COL4A1: variants seen among roughly 807,000 people sequenced by gnomAD.
The protein encoded by COL4A1 is collagen type IV alpha 1 chain.
In COL4A1, 40 loss-of-function variants were observed where a neutral mutation model predicts 216.6. The ratio of observed to expected loss-of-function variants is 0.18; its 90% CI spans 0.14 to 0.24. The LOEUF is 0.24. Among genes scored for constraint, COL4A1 ranks in the 10% least tolerant of loss-of-function variants. The probability of loss-of-function intolerance (pLI) is 1.00; values close to 1 mark genes in which losing one functional copy is unlikely to be tolerated. For missense variants in COL4A1, 1,628 were observed against 2,196.8 expected, an observed-to-expected ratio of 0.74 and a Z score of 5.18; for synonymous variants, 839 against 810.7, an observed-to-expected ratio of 1.03 and a Z score of -0.59.
At chr13:110,198,078 G>GGTGGGTGTGTGTGTGTGT (rs1878988209) in intron 21 of COL4A1, among the ~76,000 whole-genome samples, 1 of 141,842 alleles carries the variant, frequency 7.1e-6, no homozygotes, top group Admixed American at 7.0e-5. Context: ...TTGTTTCTGG[G>GGTGGGTGTGTGTGTGTGT]GTGTGTGTGT....
At chr13:110,271,705 C>T (rs1883250676) in intron 1 of COL4A1, among the ~76,000 whole-genome samples, 1 of 152,162 alleles carries the variant, frequency 6.6e-6, no homozygotes, top group Admixed American at 6.5e-5. Flanking sequence ...GGGCTGGAGC[C>T]GAGATCAGAG....
At chr13:110,201,909 G>A (rs1334451927) in intron 18 of COL4A1, among the ~76,000 whole-genome samples, 1 of 152,228 alleles carries the variant, frequency 6.6e-6, no homozygotes, top group Non-Finnish European at 1.5e-5. Context: ...TCGAACCCAG[G>A]AGGTGGAGGT....
intron 1 of COL4A1, among the ~76,000 whole-genome samples, chr13:110,280,185 C>A (rs1883577226): frequency 6.6e-6 from 1 of 152,188 alleles, no homozygotes; most frequent in Non-Finnish European, 1.5e-5. Context: ...AACTAAAATA[C>A]TGCAGTGGTG....
intron 1 of COL4A1, among the ~76,000 whole-genome samples, chr13:110,300,151 G>A (rs1884435344): frequency 6.6e-6 from 1 of 152,096 alleles, no homozygotes; most frequent in Non-Finnish European, 1.5e-5. Context: ...AAATATGAAG[G>A]AAACAATACC....
intron 1 of COL4A1, 47 bp downstream of exon 1, chr13:110,306,897 C>G (rs1884752199): frequency 1.4e-6 from 2 of 1,426,204 alleles, no homozygotes; most frequent in Admixed American, 2.6e-5. Flanking sequence ...CTCGGGGCGC[C>G]CAAGCTCGGG....
In COL4A1 at chr13:110,170,311, G is replaced by C. The variant is rs898095857; in HGVS notation, c.3742+236C>G. 8.5e-5 allele frequency among the ~76,000 whole-genome samples: 13 copies of C among 152,306 alleles called. 1 individual carries two copies. The highest frequency in any genetic ancestry group is 6.8e-3 in the Middle Eastern group (2 of 294). On this transcript the variant is annotated intron_variant, in intron 42 of 51. Transcript: ENST00000375820. ...ACGCCACCGACGGGGCACGAGTCCA[G>C]GCTTGTCCAATCATTTCCTTTCTTG...
At chr13:110,233,328 C>T (rs149831160) in intron 2 of COL4A1, among the ~76,000 whole-genome samples, 110 of 152,102 alleles carry the variant, frequency 7.2e-4, no homozygotes, top group Non-Finnish European at 1.2e-3. Context: ...GCATTGCAAA[C>T]GCCAGACAAA....
In COL4A1 at chr13:110,201,515, C is replaced by T; in HGVS notation, c.1007G>A (p.Gly336Asp). 1 of 1,614,092 alleles carries T rather than the reference C, an allele frequency of 6.2e-7. No homozygotes were observed. The change falls in exon 19 of 52, where the codon GGC becomes GAC. Residue 336 changes from glycine (G) to aspartate (D), a missense_variant. By Grantham distance (94) the Gly-to-Asp change is moderately conservative. Transcript: ENST00000375820. ...GPPGPPGIVIGTGPLGEKGER... is the reference protein window; with the variant it reads ...GPPGPPGIVIDTGPLGEKGER... ...TCCTTTTTCTCCCAAAGGTCCTGTGCCTATAACCTGAATCGAGAAGGAAAA... is the reference window on the plus strand; with the variant it reads ...TCCTTTTTCTCCCAAAGGTCCTGTGTCTATAACCTGAATCGAGAAGGAAAA...
intron 43 of COL4A1, among the ~76,000 whole-genome samples, chr13:110,168,474 A>C (rs539018097): frequency 3.9e-5 from 6 of 152,374 alleles, no homozygotes; most frequent in African/African-American, 1.4e-4. Flanking sequence ...AGATATACAC[A>C]GCTTTGAGGA....
intron 43 of COL4A1, 38 bp from the exon 44 acceptor site, chr13:110,167,268 T>C: frequency 6.6e-7 from 1 of 1,509,408 alleles, no homozygotes; most frequent in Non-Finnish European, 9.2e-7. Context: ...TTGCTCAGGA[T>C]ATGTAGGTTA....
chr13:110,200,866 G>T lies in COL4A1; in HGVS notation c.1108C>A (p.Pro370Thr), dbSNP rs773419047. The T allele has an allele frequency of 1.2e-6, 2 of 1,614,204 alleles. No individual in the cohort carries two copies. Among genetic ancestry groups the T allele is most frequent in the Non-Finnish European group, 1.7e-6 (2 of 1,180,034 alleles). ...PKGFPGLPGQ[P>T]GPPGLPVPGQ... ...TAAGGAGTCTCACCTGGAGGTCCGG[G>T]TTGGCCTGGTAGTCCTGGGAAACCT... The change falls in exon 20 of 52, where the codon CCC becomes ACC. Residue 370 changes from proline (P) to threonine (T), a missense_variant. Pro to Thr is a conservative substitution (Grantham distance 38). Coordinates refer to ENST00000375820, the MANE Select transcript of COL4A1 (RefSeq NM_001845.6).
chr13:110,251,614 G>C (rs960832071), intron 1 of COL4A1, among the ~76,000 whole-genome samples: 5 of 152,240 alleles, frequency 3.3e-5, no homozygotes, highest in African/African-American at 1.2e-4. Flanking sequence ...GCATGCCAGA[G>C]GGGGACTCGG....
intron 20 of COL4A1, 134 bp downstream of exon 20, chr13:110,200,720 A>G: frequency 2.1e-6 from 2 of 966,996 alleles, no homozygotes; most frequent in Non-Finnish European, 3.3e-6. Context: ...TGCTTTCATC[A>G]CTAGAAAAGA....
rs774104546 is a variant in COL4A1 at position 110,306,839 on chromosome 13, G to T, written c.84+105C>A. On this transcript the variant is annotated intron_variant, in intron 1 of 51. Transcript: ENST00000375820. ...GAATGCACCTGGCCGTGCCACGCGC[G>T]ACCCCCGAGGGGCAGGCGGACGGGT... The T allele has an allele frequency of 1.1e-3, 1,235 of 1,095,142 alleles. 3 individuals carry two copies. The highest frequency in any genetic ancestry group is 1.4e-3 in the Non-Finnish European group (1,138 of 830,482). The allele number at this position is 1,095,142 out of a possible 1,614,324, so 67.8% of individuals were successfully genotyped here.
intron 21 of COL4A1, among the ~76,000 whole-genome samples, chr13:110,196,664 G>T (rs1202084253): frequency 6.6e-6 from 1 of 152,270 alleles, no homozygotes; most frequent in East Asian, 1.9e-4. Context: ...TTTATGCAGT[G>T]ATTATTTCTG....
intron 1 of COL4A1, among the ~76,000 whole-genome samples, chr13:110,257,469 T>C (rs1466787568): frequency 6.6e-6 from 1 of 152,234 alleles, no homozygotes; most frequent in Non-Finnish European, 1.5e-5. Context: ...AGGACCTACC[T>C]AAAAGCACAA....
At chr13:110,271,706 G>A (rs541895129) in intron 1 of COL4A1, among the ~76,000 whole-genome samples, 22 of 152,294 alleles carry the variant, frequency 1.4e-4, no homozygotes, top group African/African-American at 4.8e-4. Flanking sequence ...GGCTGGAGCC[G>A]AGATCAGAGA....
chr13:110,191,729 CAG>C, intron 24 of COL4A1: 3 of 647,120 alleles, frequency 4.6e-6, no homozygotes, highest in Non-Finnish European at 8.2e-6. Context: ...CAGAGGCAAA[CAG>C]ATCTGCTTTC....
At chr13:110,153,028 C>G (rs1876583781) in intron 50 of COL4A1, among the ~76,000 whole-genome samples, 1 of 152,178 alleles carries the variant, frequency 6.6e-6, no homozygotes, top group Admixed American at 6.5e-5. Flanking sequence ...ATAGCTACTA[C>G]TATATCAAAT....
Sources: gnomAD v4.1 joint callset for allele counts (sites outside exome capture counted in the v4.1 genomes callset) on GRCh38, gnomAD v4.1.1 for gene constraint, MANE v1.5 for transcripts, NCBI Gene and HGNC (gene_info 2026-07-23, HGNC 2026-07-21) for gene names.